Variants in UNC5D observed in about 807,000 individuals in gnomAD.
UNC5D encodes the protein netrin receptor UNC5D.
Under a neutral mutation model 105.4 loss-of-function variants are expected in UNC5D, and 39 were observed. The observed-to-expected ratio is 0.37, with a 90% CI of 0.29 to 0.48. The LOEUF is 0.48. UNC5D is among the 20% of genes least tolerant of loss of function. The pLI, the probability that UNC5D is intolerant of heterozygous loss-of-function variation, is 0.98. For missense variants in UNC5D, 991 were observed against 1,202.4 expected, an observed-to-expected ratio of 0.82 and a Z score of 2.60; for synonymous variants, 452 against 450.4, an observed-to-expected ratio of 1.00 and a Z score of -0.04.
At chr8:35,562,686 G>T (rs916056300) in intron 2 of UNC5D, among the ~76,000 whole-genome samples, 1 of 151,888 alleles carries the variant, frequency 6.6e-6, no homozygotes, top group South Asian at 2.1e-4. Flanking sequence ...CTATTGAGTG[G>T]TTTGAACTCC....
At chr8:35,508,388 C>G (rs749232538) in intron 1 of UNC5D, among the ~76,000 whole-genome samples, 1 of 152,144 alleles carries the variant, frequency 6.6e-6, no homozygotes, top group East Asian at 1.9e-4. Context: ...CTGCTGAGGG[C>G]CTGACATTTT....
intron 3 of UNC5D, among the ~76,000 whole-genome samples, chr8:35,581,765 A>G (rs1382119166): frequency 6.6e-6 from 1 of 152,092 alleles, no homozygotes; most frequent in African/African-American, 2.4e-5. Context: ...AAAAACAAAA[A>G]AATTAAAAGA....
chr8:35,495,420 A>G (rs1811492946), intron 1 of UNC5D, among the ~76,000 whole-genome samples: 1 of 150,260 alleles, frequency 6.7e-6, no homozygotes, highest in Non-Finnish European at 1.5e-5. Context: ...GGCCACACAT[A>G]AAATACACTA....
intron 12 of UNC5D, among the ~76,000 whole-genome samples, chr8:35,749,188 G>A (rs1374440418): frequency 6.6e-6 from 1 of 152,146 alleles, no homozygotes; most frequent in Non-Finnish European, 1.5e-5. Flanking sequence ...AATGCATTGA[G>A]AATTATTATC....
chr8:35,461,912 A>C (rs774216754), intron 1 of UNC5D, among the ~76,000 whole-genome samples: 1 of 152,192 alleles, frequency 6.6e-6, no homozygotes, highest in Admixed American at 6.5e-5. Context: ...TTAGCAGTTC[A>C]GGCACAACCT....
chr8:35,699,332 G>A (rs1015787871), intron 7 of UNC5D, among the ~76,000 whole-genome samples: 4 of 152,152 alleles, frequency 2.6e-5, no homozygotes, highest in African/African-American at 9.7e-5. Flanking sequence ...TTGACTAAGG[G>A]CAATTCAGGA....
At chr8:35,544,685 C>G in intron 1 of UNC5D, 2 of 1,063,110 alleles carry the variant, frequency 1.9e-6, no homozygotes, top group Non-Finnish European at 2.6e-6. Flanking sequence ...TCACGGCAAC[C>G]TCTGCCTTCC....
intron 1 of UNC5D, among the ~76,000 whole-genome samples, chr8:35,319,333 T>C (rs532404328): frequency 6.6e-6 from 1 of 152,254 alleles, no homozygotes; most frequent in South Asian, 2.1e-4. Context: ...TGTATGCCTC[T>C]ACTTGTTAGA....
intron 13 of UNC5D, among the ~76,000 whole-genome samples, chr8:35,758,293 C>G (rs1396217852): frequency 2.0e-5 from 3 of 152,162 alleles, no homozygotes; most frequent in Non-Finnish European, 2.9e-5. Flanking sequence ...TGTTTTTACT[C>G]TTTAATAATT....
chr8:35,774,426 A>G lies in UNC5D; in HGVS notation c.2606A>G (p.Asn869Ser), dbSNP rs774808824. 32 of 1,613,982 alleles carry G rather than the reference A, an allele frequency of 2.0e-5. No individual in the cohort carries two copies. The highest frequency in any genetic ancestry group is 2.7e-5 in the African/African-American group (2 of 74,926). The change falls in exon 16 of 17, where the codon AAT (asparagine) becomes AGT (serine). Residue 869 changes from asparagine to serine, a missense_variant. Asn to Ser is a conservative substitution (Grantham distance 46, BLOSUM62 1). Around this residue, in one of 3 missense-constraint regions of UNC5D, gnomAD observed 944 missense variants for 1,131.6 expected, o/e 0.83. Transcript: ENST00000404895. ...ATTTGTGCTACATTTGATACCCCCA[A>G]TGCCAAAGGCAAGGACTGGCAGATG... ...QRICATFDTP[N>S]AKGKDWQMLA...
chr8:35,607,393 C>T (rs773398828), intron 4 of UNC5D, among the ~76,000 whole-genome samples: 2 of 152,062 alleles, frequency 1.3e-5, no homozygotes, highest in Non-Finnish European at 2.9e-5. Context: ...GTCTGAAATC[C>T]AACAGCATTA....
chr8:35,328,970 C>T (rs1486998745), intron 1 of UNC5D, among the ~76,000 whole-genome samples: 1 of 152,158 alleles, frequency 6.6e-6, no homozygotes, highest in Non-Finnish European at 1.5e-5. Context: ...AACACACACT[C>T]CTGCATCAAT....
At chr8:35,365,326 C>T (rs899854484) in intron 1 of UNC5D, among the ~76,000 whole-genome samples, 6 of 151,812 alleles carry the variant, frequency 4.0e-5, no homozygotes, top group Non-Finnish European at 2.9e-5. Context: ...GTAGGAGAGA[C>T]GTTGGGTTAA....
chr8:35,643,125 T>G (rs947035374), intron 4 of UNC5D, among the ~76,000 whole-genome samples: 2 of 152,088 alleles, frequency 1.3e-5, no homozygotes, highest in South Asian at 2.1e-4. Context: ...TCCAGAGAAG[T>G]CTTTGTTGTG....
intron 1 of UNC5D, among the ~76,000 whole-genome samples, chr8:35,406,049 CTA>C (rs749977442): frequency 6.3e-4 from 96 of 152,186 alleles, no homozygotes; most frequent in Non-Finnish European, 1.1e-3. Flanking sequence ...CTACAAATAA[CTA>C]AATGTGTTTA....
intron 4 of UNC5D, among the ~76,000 whole-genome samples, chr8:35,622,185 T>C (rs769081105): frequency 4.6e-5 from 7 of 151,932 alleles, no homozygotes; most frequent in Non-Finnish European, 7.4e-5. Flanking sequence ...CTACTAAAAT[T>C]ACAAAAATTA....
rs182242544 is a variant in UNC5D, at chr8:35,272,501, G to T, written c.103+36614G>T. On this transcript the variant is annotated intron_variant, in intron 1 of 16. Coordinates refer to ENST00000404895, the MANE Select transcript of UNC5D (RefSeq NM_080872.4). The stretch of plus-strand genomic sequence containing the variant: ...TCTGGAACTACAGTGGCTCTTTAGA[G>T]TGTTCCAAACTCAGGCAAGTGCCCG... Among the ~76,000 whole-genome samples, 26 of 152,284 alleles carry T rather than the reference G, an allele frequency of 1.7e-4. 1 individual carries two copies. The South Asian group carries it at 3.3e-3, about 19-fold the overall frequency.
At chr8:35,281,422 CT>C (rs10601544) in intron 1 of UNC5D, among the ~76,000 whole-genome samples, 3,134 of 142,202 alleles carry the variant, frequency 0.022, 49 homozygotes, top group African/African-American at 0.04. Flanking sequence ...CTTTTTTTTT[CT>C]TTTTTTTTTT....
intron 8 of UNC5D, among the ~76,000 whole-genome samples, chr8:35,710,865 G>GATCT (rs1254438880): frequency 1.3e-5 from 2 of 151,548 alleles, no homozygotes; most frequent in South Asian, 2.1e-4. Flanking sequence ...CAGTTTATCT[G>GATCT]ATCTATCTAA....
Sources: gnomAD v4.1 joint callset for allele counts (sites outside exome capture counted in the v4.1 genomes callset) on GRCh38, gnomAD v4.1.1 for gene constraint, gnomAD v4.1.1 regional missense constraint, MANE v1.5 for transcripts, NCBI Gene and HGNC (gene_info 2026-07-23, HGNC 2026-07-21) for gene names.